The following TAFA1 variants were observed in gnomAD, a reference collection of about 807,000 sequenced individuals.
TAFA1 encodes the protein chemokine-like protein TAFA-1.
Under a neutral mutation model 18.5 loss-of-function variants are expected in TAFA1, and 4 were observed. The observed-to-expected ratio is 0.22, with a 90% CI of 0.11 to 0.49. The LOEUF (loss-of-function observed/expected upper bound fraction) is 0.49, where lower values mean the gene tolerates loss of function less well. TAFA1 is among the 20% of genes least tolerant of loss of function. The pLI, the probability that TAFA1 is intolerant of heterozygous loss-of-function variation, is 0.98. For missense variants in TAFA1, 147 were observed against 169.0 expected (o/e 0.87, Z 0.72); for synonymous variants, 56 against 55.2 (o/e 1.01, Z -0.06).
At chr3:68,537,771 C>G (rs1165271806) in intron 3 of TAFA1, among the ~76,000 whole-genome samples, 1 of 152,158 alleles carries the variant, frequency 6.6e-6, no homozygotes, top group Non-Finnish European at 1.5e-5. Context: ...CTTCATAAGT[C>G]TTCCTCTTCC....
intron 2 of TAFA1, among the ~76,000 whole-genome samples, chr3:68,239,564 C>T (rs905247663): frequency 2.6e-5 from 4 of 152,034 alleles, no homozygotes; most frequent in African/African-American, 9.7e-5. Flanking sequence ...AAACAGTCAC[C>T]ATGATGATGA....
chr3:68,119,370 A>G (rs1048072867), intron 2 of TAFA1, among the ~76,000 whole-genome samples: 1 of 151,878 alleles, frequency 6.6e-6, no homozygotes, highest in Non-Finnish European at 1.5e-5. Context: ...TTTGGTGCAT[A>G]TAAGTTTTTA....
intron 2 of TAFA1, among the ~76,000 whole-genome samples, chr3:68,361,304 G>T (rs1218159486): frequency 6.6e-6 from 1 of 152,000 alleles, no homozygotes; most frequent in East Asian, 1.9e-4. Context: ...ATCTCATGGA[G>T]ATAGACAATA....
intron 2 of TAFA1, among the ~76,000 whole-genome samples, chr3:68,371,067 C>T (rs549688220): frequency 1.1e-3 from 174 of 152,150 alleles, no homozygotes; most frequent in Middle Eastern, 3.4e-3. Flanking sequence ...TTCTTATCTA[C>T]TCTTCTGTTA....
intron 2 of TAFA1, among the ~76,000 whole-genome samples, chr3:68,376,617 T>C (rs945159842): frequency 2.0e-5 from 3 of 152,200 alleles, no homozygotes; most frequent in African/African-American, 7.2e-5. Context: ...TAGTATTCCA[T>C]GGGGTATATG....
chr3:68,483,445 A>C (rs2072273960), intron 3 of TAFA1, among the ~76,000 whole-genome samples: 1 of 152,170 alleles, frequency 6.6e-6, no homozygotes, highest in Non-Finnish European at 1.5e-5. Context: ...ATATTTACTG[A>C]ACACTCTTTA....
chr3:68,025,898 A>G (rs917426934), intron 2 of TAFA1, among the ~76,000 whole-genome samples: 12 of 152,096 alleles, frequency 7.9e-5, no homozygotes, highest in African/African-American at 2.9e-4. Flanking sequence ...TCACCTTACT[A>G]TAACTCACTT....
At chr3:68,464,599 A>T (rs1329633819) in intron 3 of TAFA1, among the ~76,000 whole-genome samples, 2 of 152,190 alleles carry the variant, frequency 1.3e-5, no homozygotes, top group African/African-American at 4.8e-5. Context: ...AGCCAGGGTC[A>T]CATAGTGCAG....
rs1348311502 is a variant in TAFA1 at position 68,544,896 on chromosome 3, C to T, written c.*393C>T. The T allele has an allele frequency of 6.6e-6, 1 of 151,670 alleles. No homozygotes were observed. The highest frequency in any genetic ancestry group is 2.4e-5 in the African/African-American group (1 of 41,254). The allele number at this position is 151,670 out of a possible 1,614,324, so 9.4% of individuals were successfully genotyped here. A position where few individuals can be genotyped will look rare whatever the true frequency, so the allele number is the denominator to read the frequency against. On this transcript the variant is annotated 3_prime_UTR_variant, in exon 5 of 5. Coordinates refer to ENST00000478136, the MANE Select transcript of TAFA1 (RefSeq NM_213609.4). ...CCACAGTTTGAGACGGCTGGTGTAC[C>T]CCTTTGAGTTTTGGATGTTTTGTCT...
intron 2 of TAFA1, among the ~76,000 whole-genome samples, chr3:68,348,541 G>T (rs947026536): frequency 1.3e-5 from 2 of 152,084 alleles, no homozygotes; most frequent in African/African-American, 4.8e-5. Context: ...TCCTAATTTT[G>T]TTCCTGTAGA....
At chr3:68,111,780 AAGAG>A (rs71112608) in intron 2 of TAFA1, among the ~76,000 whole-genome samples, 6 of 145,936 alleles carry the variant, frequency 4.1e-5, no homozygotes, top group African/African-American at 1.3e-4. Flanking sequence ...ACACATGAGA[AAGAG>A]AGAGAGAGAG....
intron 2 of TAFA1, among the ~76,000 whole-genome samples, chr3:68,246,644 A>T (rs1389119288): frequency 6.8e-6 from 1 of 147,816 alleles, no homozygotes; most frequent in East Asian, 2.0e-4. Context: ...GTAACTACGG[A>T]CTTCATTGGT....
intron 2 of TAFA1, among the ~76,000 whole-genome samples, chr3:68,281,653 T>C (rs1256845369): frequency 6.6e-6 from 1 of 151,982 alleles, no homozygotes; most frequent in Non-Finnish European, 1.5e-5. Context: ...ATATTTTTAG[T>C]AGAGACAGAT....
At chr3:68,120,245 CTTTCTTT>C (rs1559527683) in intron 2 of TAFA1, among the ~76,000 whole-genome samples, 19 of 65,208 alleles carry the variant, frequency 2.9e-4, no homozygotes, top group Non-Finnish European at 5.6e-4. Context: ...TTCTTTCTTT[CTTTCTTT>C]CTTTCTTTCT....
At chr3:68,235,499 A>G (rs1000557489) in intron 2 of TAFA1, among the ~76,000 whole-genome samples, 2 of 152,324 alleles carry the variant, frequency 1.3e-5, no homozygotes, top group East Asian at 3.9e-4. Context: ...ATTGCATTCC[A>G]GGTTCATACT....
intron 3 of TAFA1, among the ~76,000 whole-genome samples, chr3:68,497,977 CT>C (rs1400430191): frequency 6.6e-6 from 1 of 152,170 alleles, no homozygotes; most frequent in Non-Finnish European, 1.5e-5. Flanking sequence ...AAAGGATCCA[CT>C]TGGATCTGAT....
At chr3:68,336,419 A>G (rs1043857672) in intron 2 of TAFA1, among the ~76,000 whole-genome samples, 5 of 152,202 alleles carry the variant, frequency 3.3e-5, no homozygotes, top group Non-Finnish European at 7.3e-5. Context: ...AGGCTCAAGA[A>G]TTATCTATAT....
chr3:68,345,393 T>C (rs995354428), intron 2 of TAFA1, among the ~76,000 whole-genome samples: 19 of 152,184 alleles, frequency 1.2e-4, no homozygotes, highest in African/African-American at 4.6e-4. Flanking sequence ...CTTGCAGCCC[T>C]TCCTTCCATA....
At chr3:68,130,792 G>A (rs62245933) in intron 2 of TAFA1, among the ~76,000 whole-genome samples, 4,217 of 152,118 alleles carry the variant, frequency 0.028, 107 homozygotes, top group Non-Finnish European at 0.038. Flanking sequence ...CTTCTCACCA[G>A]CAGTTTGTAG....
Sources: gnomAD v4.1 joint callset for allele counts (sites outside exome capture counted in the v4.1 genomes callset) on GRCh38, gnomAD v4.1.1 for gene constraint, MANE v1.5 for transcripts, NCBI Gene and HGNC (gene_info 2026-07-23, HGNC 2026-07-21) for gene names.